The following ASPRV1 variants were observed in gnomAD, a reference collection of about 807,000 sequenced individuals.
The protein encoded by ASPRV1 is aspartic peptidase retroviral like 1.
A neutral mutation model predicts 11.0 loss-of-function variants in ASPRV1; 7 were observed. The ratio of observed to expected loss-of-function variants is 0.64; its 90% CI spans 0.36 to 1.20. The LOEUF (loss-of-function observed/expected upper bound fraction) is 1.20, where lower values mean the gene tolerates loss of function less well. Among genes scored for constraint, ASPRV1 ranks in the 50% most tolerant of loss-of-function variants. The probability of loss-of-function intolerance (pLI) is 0.02; values close to 1 mark genes in which losing one functional copy is unlikely to be tolerated. For missense variants in ASPRV1, 299 were observed against 320.0 expected (o/e 0.93, Z 0.50); for synonymous variants, 136 against 138.4 (o/e 0.98, Z 0.12).
At chr2:70,046,367 G>A in the ASPRV1 span, 1 of 152,146 alleles carries the variant, frequency 6.6e-6, no homozygotes. Context: ...ATTAACACAG[G>A]TGGTAGAATG....
chr2:70,084,469 C>T, the ASPRV1 span, among the ~76,000 whole-genome samples: 1 of 152,184 alleles, frequency 6.6e-6, no homozygotes, highest in Non-Finnish European at 1.5e-5. Flanking sequence ...TGCTTTACCA[C>T]TTAATAGCTG....
the ASPRV1 span, chr2:70,050,861 T>G: frequency 6.6e-6 from 1 of 152,110 alleles, no homozygotes; most frequent in Admixed American, 6.6e-5. Context: ...GAGGATCTCT[T>G]GAGCCCAAGA....
the ASPRV1 span, among the ~76,000 whole-genome samples, chr2:69,980,828 C>T: frequency 6.6e-6 from 1 of 152,254 alleles, no homozygotes; most frequent in Non-Finnish European, 1.5e-5. Flanking sequence ...CAGGATGGAG[C>T]GCAATGGAGA....
chr2:70,043,053 G>A, the ASPRV1 span, among the ~76,000 whole-genome samples: 12 of 152,262 alleles, frequency 7.9e-5, no homozygotes, highest in Admixed American at 2.0e-4. Flanking sequence ...GGGAGAAAAC[G>A]CTGTGAGAAT....
chr2:69,994,926 T>C, the ASPRV1 span, among the ~76,000 whole-genome samples: 1 of 148,602 alleles, frequency 6.7e-6, no homozygotes, highest in East Asian at 2.0e-4. Flanking sequence ...GGCGTGAACC[T>C]GGAAGGCGGA....
chr2:70,025,547 A>G, the ASPRV1 span, among the ~76,000 whole-genome samples: 1 of 152,228 alleles, frequency 6.6e-6, no homozygotes, highest in African/African-American at 2.4e-5. Context: ...GGAGGAAAGG[A>G]GGCCACAACA....
At chr2:69,972,351 G>A in the ASPRV1 span, among the ~76,000 whole-genome samples, 12 of 142,536 alleles carry the variant, frequency 8.4e-5, no homozygotes, top group Non-Finnish European at 1.7e-4. Context: ...GTGAGCCACC[G>A]TGCCCGGCCC....
At chr2:70,074,133 C>CAAAAAAA in the ASPRV1 span, among the ~76,000 whole-genome samples, 3 of 7,818 alleles carry the variant, frequency 3.8e-4, no homozygotes, top group Admixed American at 1.7e-3. Context: ...AACTTCATCT[C>CAAAAAAA]AAAAAAAAAA....
At chr2:70,076,852 C>T in the ASPRV1 span, among the ~76,000 whole-genome samples, 20 of 152,186 alleles carry the variant, frequency 1.3e-4, no homozygotes, top group Non-Finnish European at 2.1e-4. Context: ...ATCATGAGAA[C>T]GTGTCAGTAG....
the ASPRV1 span, chr2:70,086,142 G>A: frequency 5.9e-5 from 9 of 152,170 alleles, no homozygotes; most frequent in Non-Finnish European, 1.2e-4. Flanking sequence ...CAGCCTGTGG[G>A]CTTTTTTAAG....
chr2:70,085,352 T>C, the ASPRV1 span, among the ~76,000 whole-genome samples: 1 of 152,110 alleles, frequency 6.6e-6, no homozygotes, highest in Non-Finnish European at 1.5e-5. Flanking sequence ...TAAGACAGCA[T>C]TTCAGCCCGC....
the ASPRV1 span, among the ~76,000 whole-genome samples, chr2:70,084,812 T>C: frequency 3.2e-3 from 486 of 152,344 alleles, 3 homozygotes; most frequent in African/African-American, 0.011. Flanking sequence ...CTTAGAACAA[T>C]GCCCAGCACA....
chr2:70,047,805 G>C, the ASPRV1 span, among the ~76,000 whole-genome samples: 1 of 152,092 alleles, frequency 6.6e-6, no homozygotes, highest in Non-Finnish European at 1.5e-5. Flanking sequence ...GCTATGGCCT[G>C]GTGTGTTAGA....
chr2:70,006,206 T>G, the ASPRV1 span, among the ~76,000 whole-genome samples: 6 of 151,680 alleles, frequency 4.0e-5, no homozygotes, highest in Non-Finnish European at 8.8e-5. Context: ...GGCTGGGGGG[T>G]AAAACTGTCC....
the ASPRV1 span, among the ~76,000 whole-genome samples, chr2:69,994,727 G>A: frequency 6.6e-6 from 1 of 152,194 alleles, no homozygotes; most frequent in Non-Finnish European, 1.5e-5. Flanking sequence ...GACAGGTGCA[G>A]TGGCTTATGC....
upstream of ASPRV1, chr2:69,963,200 C>G (rs1370080482): frequency 1.8e-5 from 8 of 449,710 alleles, no homozygotes; most frequent in South Asian, 1.2e-4. Flanking sequence ...GGGTCAACAC[C>G]TCTCATCACA....
At chr2:69,963,083 C>T, upstream of ASPRV1, 1 of 360,532 alleles carries the variant, frequency 2.8e-6, no homozygotes, top group East Asian at 7.4e-5. Flanking sequence ...AGTACCCTGC[C>T]TTTGGACAGT....
chr2:69,970,468 G>A, the ASPRV1 span, among the ~76,000 whole-genome samples: 4 of 152,040 alleles, frequency 2.6e-5, no homozygotes, highest in Non-Finnish European at 4.4e-5. Context: ...CAAACAGGAC[G>A]GGCTTTCTCA....
the ASPRV1 span, chr2:70,048,560 T>C: frequency 6.6e-6 from 1 of 152,386 alleles, no homozygotes; most frequent in Admixed American, 6.6e-5. Context: ...GCCAGCACAG[T>C]AGGGGCCTAC....
Sources: allele counts gnomAD v4.1 joint callset (sites outside exome capture counted in the v4.1 genomes callset), GRCh38; gene constraint gnomAD v4.1.1; transcripts MANE v1.5; gene names NCBI Gene and HGNC (gene_info 2026-07-23, HGNC 2026-07-21).